Variants in PARP9 observed in about 807,000 individuals in gnomAD.
PARP9 encodes protein mono-ADP-ribosyltransferase PARP9.
PARP9 carries 48 observed loss-of-function variants against 68.8 expected under a neutral mutation model. The observed-to-expected ratio is 0.70, with a 90% confidence interval of 0.55 to 0.89. PARP9 has a LOEUF of 0.89. Among genes scored for constraint, PARP9 ranks in the 40% least tolerant of loss-of-function variants. PARP9 has a pLI of 0.00. For synonymous variants in PARP9, 309 were observed against 333.8 expected, an observed-to-expected ratio of 0.93 and a Z score of 0.81; for missense variants, 806 against 969.3, an observed-to-expected ratio of 0.83 and a Z score of 2.24.
rs2107740345 is a variant in PARP9, at chr3:122,559,753, C to G, written c.-89-44G>C. 4.9e-6 allele frequency: 4 copies of G among 822,036 alleles called. No homozygotes were observed. The East Asian group carries it at 1.1e-4, about 23-fold the overall frequency. The allele number at this position is 822,036 out of a possible 1,614,324, so 50.9% of individuals were successfully genotyped here. A position where few individuals can be genotyped will look rare whatever the true frequency, so the allele number is the denominator to read the frequency against. On this transcript the variant is annotated intron_variant, in intron 1 of 10. Transcript: ENST00000682323. Reference sequence around the variant, plus strand: ...AGATGCAATAAACATTAGCCAGAATCTTAGGAAATTCGGTAAGAATATACT... The same window carrying G: ...AGATGCAATAAACATTAGCCAGAATGTTAGGAAATTCGGTAAGAATATACT...
At chr3:122,545,594 C>A in intron 6 of PARP9, 105 bp from the exon 7 acceptor site, 1 of 1,041,796 alleles carries the variant, frequency 9.6e-7, no homozygotes, top group South Asian at 1.3e-5. Flanking sequence ...TCCACTCTGT[C>A]AGTCCCATTC....
At chr3:122,555,251 T>A (rs753592394) in intron 4 of PARP9, 35 bp downstream of exon 4, 1 of 1,546,312 alleles carries the variant, frequency 6.5e-7, no homozygotes, top group East Asian at 2.2e-5. Context: ...AGGGATCACC[T>A]GTGCCAGTGC....
upstream of PARP9, chr3:122,564,657 G>C (rs773833141): frequency 1.3e-6 from 2 of 1,553,844 alleles, no homozygotes; most frequent in Middle Eastern, 1.9e-4. Flanking sequence ...CTGGGGGCCC[G>C]GCCCCCGGGT....
chr3:122,550,590 T>C lies in PARP9; in HGVS notation c.1320A>G (p.Ile440Met), dbSNP rs1559853579. 4 of 1,604,356 alleles carry C rather than the reference T, an allele frequency of 2.5e-6. No homozygotes were observed. Among genetic ancestry groups the C allele is most frequent in the Non-Finnish European group, 3.4e-6 (4 of 1,172,606 alleles). The change falls in exon 6 of 11, where the codon ATA becomes ATG. Residue 440 changes from isoleucine (I) to methionine (M), a missense_variant. Around this residue, in one of 2 missense-constraint regions of PARP9, gnomAD observed 680 missense variants for 858.8 expected, o/e 0.79. Coordinates refer to ENST00000682323, the MANE Select transcript of PARP9 (RefSeq NM_001146105.2). ...TTCTAAGATATTAACTTACCTTATA[T>C]ATCTCCAAATCTGTTGGAAAGATCA... ...KFVIFPTDLE[I>M]YKAFSSEMAK...
chr3:122,540,623 G>A lies in PARP9; in HGVS notation c.1614C>T (p.Ile538=). ...TCCTTCCTGGGCTGATAATTTCTGT[G>A]ATGGAGACACTTGAAGTTTTCTGAA... ...SQLQKTSSVS[I]TEIISPGRTE... is the part of the protein sequence containing the mutation. The change falls in exon 8 of 11, where the codon ATC becomes ATT. Residue 538 remains isoleucine, a synonymous_variant. Coordinates refer to ENST00000682323, the MANE Select transcript of PARP9 (RefSeq NM_001146105.2). The A allele has an allele frequency of 6.2e-7, 1 of 1,614,110 alleles. No individual in the cohort carries two copies. Among genetic ancestry groups the A allele is most frequent in the South Asian group, 1.1e-5 (1 of 91,070 alleles).
rs1357475514 is a variant in PARP9 at position 122,555,332 on chromosome 3, T to C, written c.839A>G (p.Asn280Ser). The change falls in exon 4 of 11, where the codon AAC (asparagine) becomes AGC (serine). Residue 280 changes from asparagine (N) to serine (S), a missense_variant. Physicochemically the swap from Asn to Ser is conservative, Grantham distance 46. Transcript: ENST00000682323. ...CTGGACAATCTGGAGGGTCAGGTTG[T>C]TCACGACCATTGCATTGAAAGAAGG... is the stretch of plus-strand genomic sequence containing the variant. ...TTPSFNAMVV[N>S]NLTLQIVQGH... 2 of 1,614,058 alleles carry C rather than the reference T, an allele frequency of 1.2e-6. No homozygotes were observed. The highest frequency in any genetic ancestry group is 1.1e-5 in the South Asian group (1 of 91,060).
In PARP9 at chr3:122,555,465, T is replaced by C; in HGVS notation, c.706A>G (p.Asn236Asp). The part of the protein sequence containing the change: ...VSLQGKPMMS[N>D]LKEIHLVSNE... The stretch of plus-strand genomic sequence containing the variant: ...CTCACCAGGTGAATTTCTTTCAAAT[T>C]ACTCATCATTGGCTTCCCTTGCAAA... The change falls in exon 4 of 11, where the codon AAT becomes GAT. Residue 236 changes from asparagine (N) to aspartate (D), a missense_variant. Around this residue, in one of 2 missense-constraint regions of PARP9, gnomAD observed 680 missense variants for 858.8 expected, o/e 0.79. Transcript: ENST00000682323. The C allele has an allele frequency of 6.2e-7, 1 of 1,614,194 alleles. No homozygotes were observed. The highest frequency in any genetic ancestry group is 2.2e-5 in the East Asian group (1 of 44,890).
intron 1 of PARP9, 42 bp downstream of exon 1, chr3:122,564,203 G>C: frequency 1.3e-5 from 7 of 530,376 alleles, no homozygotes; most frequent in Non-Finnish European, 2.3e-5. Context: ...GAGCCTGCAG[G>C]AGAGGGGACC....
intron 2 of PARP9, among the ~76,000 whole-genome samples, chr3:122,558,857 T>C (rs1424348610): frequency 6.6e-6 from 1 of 152,176 alleles, no homozygotes; most frequent in Non-Finnish European, 1.5e-5. Context: ...ACTACAGGCA[T>C]GCACCACCAT....
chr3:122,537,568 T>C (rs927805653), intron 8 of PARP9, among the ~76,000 whole-genome samples: 5 of 152,270 alleles, frequency 3.3e-5, no homozygotes, highest in South Asian at 4.1e-4. Flanking sequence ...AATAAAGAAA[T>C]TGAAGTTCAA....
chr3:122,563,426 A>G (rs2080406386), intron 1 of PARP9, among the ~76,000 whole-genome samples: 2 of 152,250 alleles, frequency 1.3e-5, no homozygotes, highest in Non-Finnish European at 2.9e-5. Flanking sequence ...GTCAAGCTAA[A>G]TAACATCATT....
intron 6 of PARP9, among the ~76,000 whole-genome samples, 188 bp downstream of exon 6, chr3:122,550,396 T>A (rs2079105304): frequency 6.6e-6 from 1 of 152,200 alleles, no homozygotes; most frequent in African/African-American, 2.4e-5. Context: ...GCTTCTATAA[T>A]GACATGTTTT....
chr3:122,560,179 G>A (rs140037045), intron 1 of PARP9, among the ~76,000 whole-genome samples: 1 of 152,236 alleles, frequency 6.6e-6, no homozygotes, highest in East Asian at 1.9e-4. Context: ...TATTGAATTT[G>A]TGATAAACAT....
chr3:122,535,217 C>T (rs1371241963), intron 10 of PARP9: 1 of 985,292 alleles, frequency 1.0e-6, no homozygotes, highest in East Asian at 1.1e-4. Flanking sequence ...TACTGATCAT[C>T]ACTTTCCTGA....
At chr3:122,550,870 C>T in intron 5 of PARP9, 68 bp from the exon 6 acceptor site, 1 of 1,381,290 alleles carries the variant, frequency 7.2e-7, no homozygotes, top group Non-Finnish European at 1.0e-6. Flanking sequence ...CCCCTTGATC[C>T]TGCCCATATT....
intron 7 of PARP9, among the ~76,000 whole-genome samples, chr3:122,543,452 T>C (rs1386768179): frequency 6.6e-6 from 1 of 151,270 alleles, no homozygotes; most frequent in Non-Finnish European, 1.5e-5. Context: ...TAATTTTGTA[T>C]TTTTAGCAGA....
At chr3:122,539,515 C>CTTTG (rs1429357977) in intron 8 of PARP9, among the ~76,000 whole-genome samples, 1 of 23,182 alleles carries the variant, frequency 4.3e-5, no homozygotes, top group Non-Finnish European at 9.3e-5. Flanking sequence ...GCATTTCTTT[C>CTTTG]TTTCTTTCTT....
Position 122,540,652 on chromosome 3 carries a change from G to T in PARP9, c.1585C>A (p.Gln529Lys). ...LGRKEHDILS[Q>K]LQKTSSVSIT... Reference sequence around the variant, plus strand: ...GAGACACTTGAAGTTTTCTGAAGCTGAGACAAAATGTCATGTTCCTTTCTC... The same window carrying T: ...GAGACACTTGAAGTTTTCTGAAGCTTAGACAAAATGTCATGTTCCTTTCTC... Residue 529 changes from glutamine (Q) to lysine (K), a missense_variant, in exon 8 of 11, where the codon CAG becomes AAG. Gln to Lys is a moderately conservative substitution (Grantham distance 53). Around this residue, in one of 2 missense-constraint regions of PARP9, gnomAD observed 680 missense variants for 858.8 expected, o/e 0.79. Coordinates refer to ENST00000682323, the MANE Select transcript of PARP9 (RefSeq NM_001146105.2). 6.2e-7 allele frequency: 1 copy of T among 1,614,104 alleles called. No individual in the cohort carries two copies. The highest frequency in any genetic ancestry group is 1.1e-5 in the South Asian group (1 of 91,082).
At chr3:122,536,772 C>T (rs998061421) in intron 9 of PARP9, 162 bp downstream of exon 9, 8 of 779,242 alleles carry the variant, frequency 1.0e-5, no homozygotes, top group Non-Finnish European at 1.6e-5. Context: ...CTATATCCCT[C>T]GTGCCTGCCC....
Sources: allele counts gnomAD v4.1 joint callset (sites outside exome capture counted in the v4.1 genomes callset), GRCh38; gene constraint gnomAD v4.1.1; regional missense constraint gnomAD v4.1.1; transcripts MANE v1.5; gene names NCBI Gene and HGNC (gene_info 2026-07-23, HGNC 2026-07-21).